The following PLCE1 variants were observed in gnomAD, a reference collection of about 807,000 sequenced individuals.
The protein encoded by PLCE1 is phospholipase C epsilon 1.
PLCE1 carries 119 observed loss-of-function variants against 242.8 expected under a neutral mutation model. The observed-to-expected ratio is 0.49, with a 90% confidence interval of 0.42 to 0.57. PLCE1 has a LOEUF of 0.57. Ranked by LOEUF, PLCE1 falls within the 20% of genes least tolerant of loss-of-function variation. The pLI is 0.00. For synonymous variants in PLCE1, 945 were observed against 1,017.4 expected, an observed-to-expected ratio of 0.93 and a Z score of 1.35; for missense variants, 2,441 against 2,788.8, an observed-to-expected ratio of 0.88 and a Z score of 2.81.
intron 3 of PLCE1, among the ~76,000 whole-genome samples, chr10:94,163,977 G>A (rs1156734456): frequency 6.6e-6 from 1 of 152,054 alleles, no homozygotes; most frequent in Non-Finnish European, 1.5e-5. Context: ...TTGAATATTG[G>A]CCCCCACTCC....
At chr10:94,138,591 A>C (rs1822217089) in intron 3 of PLCE1, 1 of 443,204 alleles carries the variant, frequency 2.3e-6, no homozygotes, top group Admixed American at 2.5e-5. Flanking sequence ...TCTGAACATC[A>C]AAGGGCATGT....
At chr10:94,314,625 T>C (rs764752761) in intron 28 of PLCE1, among the ~76,000 whole-genome samples, 1 of 152,118 alleles carries the variant, frequency 6.6e-6, no homozygotes. Context: ...TTCTCCTGAA[T>C]AGGAGTAGAC....
intron 2 of PLCE1, among the ~76,000 whole-genome samples, chr10:94,113,082 T>C (rs1009983307): frequency 6.6e-6 from 1 of 152,124 alleles, no homozygotes; most frequent in Non-Finnish European, 1.5e-5. Flanking sequence ...GGTAGATTAG[T>C]GGTGGTTGCT....
chr10:94,289,628 G>A (rs1180746229), intron 22 of PLCE1, among the ~76,000 whole-genome samples: 1 of 152,184 alleles, frequency 6.6e-6, no homozygotes, highest in African/African-American at 2.4e-5. Context: ...GTAACACAAT[G>A]ATAAGTATTT....
At chr10:94,315,647 T>C (rs1286645607) in intron 28 of PLCE1, among the ~76,000 whole-genome samples, 1 of 151,676 alleles carries the variant, frequency 6.6e-6, no homozygotes, top group African/African-American at 2.4e-5. Context: ...TGCACACCTG[T>C]AATCCCAGCT....
chr10:94,169,093 A>G lies in PLCE1; in HGVS notation c.1493-2087A>G, dbSNP rs142638800. On this transcript the variant is annotated intron_variant, in intron 3 of 32. Coordinates refer to ENST00000371380, the MANE Select transcript of PLCE1 (RefSeq NM_016341.4). ...AAGATTTTTGGTAATTTGGTCCAAA[A>G]GATGTATTAAAATGCTTAGAGTCAA... Among the ~76,000 whole-genome samples the G allele has an allele frequency of 7.4e-3, 1,120 of 152,284 alleles. 16 individuals carry two copies. The highest frequency in any genetic ancestry group is 0.025 in the African/African-American group (1,057 of 41,548).
chr10:94,032,275 A>G, intron 2 of PLCE1, 23 bp downstream of exon 2: 1 of 1,610,556 alleles, frequency 6.2e-7, no homozygotes, highest in African/African-American at 1.3e-5. Context: ...GTTTCTTTTT[A>G]CCATTTCTTT....
intron 2 of PLCE1, chr10:94,106,946 C>T (rs2045765459): frequency 7.5e-6 from 1 of 132,848 alleles, no homozygotes; most frequent in African/African-American, 2.8e-5. Context: ...CTCTCTCTCC[C>T]CCTCCCCTCC....
chr10:94,185,845 C>G (rs2048460781), intron 4 of PLCE1, among the ~76,000 whole-genome samples: 1 of 152,206 alleles, frequency 6.6e-6, no homozygotes, highest in African/African-American at 2.4e-5. Context: ...TTTTGTCAGG[C>G]ACAGCTCTGA....
At chr10:94,108,303 G>A (rs1039094335) in intron 2 of PLCE1, 6 of 152,292 alleles carry the variant, frequency 3.9e-5, no homozygotes, top group Non-Finnish European at 8.8e-5. Flanking sequence ...GGGAGGCCAG[G>A]AGCCTCAGCC....
At chr10:94,122,566 T>C (rs539992652) in intron 2 of PLCE1, among the ~76,000 whole-genome samples, 38 of 152,334 alleles carry the variant, frequency 2.5e-4, no homozygotes, top group African/African-American at 7.5e-4. Flanking sequence ...TTCATCCAGC[T>C]AGCATTTGTT....
chr10:94,255,061 A>T lies in PLCE1; in HGVS notation c.3554+12A>T. 6.2e-7 allele frequency: 1 copy of T among 1,613,556 alleles called. No individual in the cohort carries two copies. The highest frequency in any genetic ancestry group is 8.5e-7 in the Non-Finnish European group (1 of 1,179,552). On this transcript the variant is annotated intron_variant, in intron 11 of 32. Transcript: ENST00000371380. ...AAGAGCCCATCCAGGTGGGGCCTTAACATGATAAAACAGAAGGACCCTTCA... is the reference window on the plus strand; with the variant it reads ...AAGAGCCCATCCAGGTGGGGCCTTATCATGATAAAACAGAAGGACCCTTCA...
At chr10:94,309,904 T>C (rs940925439) in intron 27 of PLCE1, among the ~76,000 whole-genome samples, 3 of 152,096 alleles carry the variant, frequency 2.0e-5, no homozygotes, top group Non-Finnish European at 4.4e-5. Context: ...CGAGCACCTA[T>C]AGTCCCAGCT....
In PLCE1 at chr10:94,298,513, C is replaced by G; in HGVS notation, c.5302C>G (p.Leu1768Val). Residue 1768 changes from leucine to valine, a missense_variant, in exon 24 of 33, where the codon CTG becomes GTG. By Grantham distance (32) the Leu-to-Val change is conservative. Coordinates refer to ENST00000371380, the MANE Select transcript of PLCE1 (RefSeq NM_016341.4). The surrounding 1 kb of genome is among the most constrained non-coding windows in gnomAD (Gnocchi z 5.2). Reference protein sequence around the residue: ...SSLNENAAKRLCRRYSQKLTQ... With the variant: ...SSLNENAAKRVCRRYSQKLTQ... ...GCTGAATGAAAATGCCGCCAAACGTCTGTGTCGCAGGTATTCTCAGAAACT... is the reference window on the plus strand; with the variant it reads ...GCTGAATGAAAATGCCGCCAAACGTGTGTGTCGCAGGTATTCTCAGAAACT... 6.2e-7 allele frequency: 1 copy of G among 1,614,118 alleles called. No individual in the cohort carries two copies. Among genetic ancestry groups the G allele is most frequent in the East Asian group, 2.2e-5 (1 of 44,862 alleles).
rs2133959052 is a variant in PLCE1, at chr10:94,328,664, C to CT, written c.*721_*722insT. 6.6e-6 allele frequency: 1 copy of CT among 152,318 alleles called. No individual in the cohort carries two copies. Among genetic ancestry groups the CT allele is most frequent in the East Asian group, 1.9e-4 (1 of 5,174 alleles). 9.4% of individuals were successfully genotyped at this position (152,318 alleles called of 1,614,324 possible). On this transcript the variant is annotated 3_prime_UTR_variant, in exon 33 of 33. Coordinates refer to ENST00000371380, the MANE Select transcript of PLCE1 (RefSeq NM_016341.4). ...TAGAATTAGAAGCTTTGGGGCATTT[C>CT]AAGTGTAAATATGTCCTATAACATA...
chr10:94,095,168 C>T lies in PLCE1; in HGVS notation c.1207-37006C>T, dbSNP rs543095763. Among the ~76,000 whole-genome samples, 3 of 152,240 alleles carry T rather than the reference C, an allele frequency of 2.0e-5. No homozygotes were observed. The East Asian group carries it at 5.8e-4, about 29-fold the overall frequency. On this transcript the variant is annotated intron_variant, in intron 2 of 32. Transcript: ENST00000371380. ...GTCTGTATTTCTGCCAGCAAAGACC[C>T]GTTGGCCACATACTGGGTCAGCCTC...
chr10:94,246,111 G>T lies in PLCE1; in HGVS notation c.2586G>T (p.Leu862=). ...SIQADVHQFL[L]QGATVIHYDQ... ...AAGCCGATGTGCACCAGTTCCTGCT[G>T]CAGGGGGCCACGGTCATCCACTACG... is the stretch of plus-strand genomic sequence containing the variant. Residue 862 remains leucine, a synonymous_variant, in exon 8 of 33, where the codon CTG becomes CTT. Coordinates refer to ENST00000371380, the MANE Select transcript of PLCE1 (RefSeq NM_016341.4). The T allele has an allele frequency of 6.2e-7, 1 of 1,614,132 alleles. No homozygotes were observed. The highest frequency in any genetic ancestry group is 1.1e-5 in the South Asian group (1 of 91,076).
At chr10:94,237,602 A>C (rs1369148529) in intron 7 of PLCE1, among the ~76,000 whole-genome samples, 3 of 152,196 alleles carry the variant, frequency 2.0e-5, no homozygotes. Flanking sequence ...TTTCTTTTAT[A>C]AAACCTGTGA....
At chr10:94,296,634 G>C (rs542715142) in intron 23 of PLCE1, among the ~76,000 whole-genome samples, 2 of 152,256 alleles carry the variant, frequency 1.3e-5, no homozygotes, top group East Asian at 3.9e-4. Context: ...AAAATATGTT[G>C]TGGCTGGTTT....
Sources: gnomAD v4.1 joint callset for allele counts (sites outside exome capture counted in the v4.1 genomes callset) on GRCh38, gnomAD v4.1.1 for gene constraint, Gnocchi (gnomAD v3.1) non-coding constraint, MANE v1.5 for transcripts, NCBI Gene and HGNC (gene_info 2026-07-23, HGNC 2026-07-21) for gene names.